The following RABGAP1L variants were observed in gnomAD, a reference collection of about 807,000 sequenced individuals.
RABGAP1L encodes the protein rab GTPase-activating protein 1-like.
In RABGAP1L, 63 loss-of-function variants were observed where a neutral mutation model predicts 137.7. The observed-to-expected ratio is 0.46, with a 90% CI of 0.37 to 0.56. The LOEUF (loss-of-function observed/expected upper bound fraction) is 0.56, where lower values mean the gene tolerates loss of function less well. Among genes scored for constraint, RABGAP1L ranks in the 20% least tolerant of loss-of-function variants. RABGAP1L has a pLI of 0.00. For missense variants in RABGAP1L, 1,095 were observed against 1,244.0 expected, an observed-to-expected ratio of 0.88 and a Z score of 1.80; for synonymous variants, 431 against 433.7, an observed-to-expected ratio of 0.99 and a Z score of 0.08.
At chr1:174,759,724 G>C (rs1017600913) in intron 18 of RABGAP1L, among the ~76,000 whole-genome samples, 1 of 152,204 alleles carries the variant, frequency 6.6e-6, no homozygotes. Context: ...AGAAAGCAAG[G>C]GGAGCTGTAT....
At chr1:174,686,648 CTTTTTTTTTTTT>C (rs533716511) in intron 15 of RABGAP1L, among the ~76,000 whole-genome samples, 17 of 105,770 alleles carry the variant, frequency 1.6e-4, no homozygotes, top group Admixed American at 3.3e-4. Context: ...ACAAAGCAAT[CTTTTTTTTTTTT>C]TTTTTTTTTT....
At chr1:174,812,315 C>T (rs1321872305) in intron 19 of RABGAP1L, among the ~76,000 whole-genome samples, 1 of 152,180 alleles carries the variant, frequency 6.6e-6, no homozygotes, top group African/African-American at 2.4e-5. Context: ...GAAAAGCTTG[C>T]TTAGGCAATG....
intron 15 of RABGAP1L, among the ~76,000 whole-genome samples, chr1:174,692,709 A>T (rs1312364972): frequency 6.6e-6 from 1 of 152,238 alleles, no homozygotes; most frequent in South Asian, 2.1e-4. Flanking sequence ...GTATCCTTGT[A>T]TAAAGCACTT....
chr1:174,606,878 G>C (rs1012009895), intron 13 of RABGAP1L, among the ~76,000 whole-genome samples: 2 of 152,116 alleles, frequency 1.3e-5, no homozygotes, highest in Non-Finnish European at 2.9e-5. Flanking sequence ...AACACAGCTA[G>C]CGTCTGAAGT....
chr1:174,560,846 T>C (rs1468564958), intron 13 of RABGAP1L, among the ~76,000 whole-genome samples: 1 of 152,226 alleles, frequency 6.6e-6, no homozygotes, highest in South Asian at 2.1e-4. Context: ...GTTAATTTGC[T>C]TAGGATAATG....
intron 13 of RABGAP1L, among the ~76,000 whole-genome samples, chr1:174,435,417 A>G (rs533659575): frequency 4.2e-4 from 64 of 152,186 alleles, no homozygotes; most frequent in African/African-American, 1.1e-3. Flanking sequence ...GTTTAGATCT[A>G]TGATCCATAT....
At chr1:174,426,440 T>C (rs1651970625) in intron 13 of RABGAP1L, among the ~76,000 whole-genome samples, 1 of 152,076 alleles carries the variant, frequency 6.6e-6, no homozygotes, top group Non-Finnish European at 1.5e-5. Flanking sequence ...TCCTAAAATT[T>C]TCCAAAACTT....
rs564652117 is a variant in RABGAP1L, at chr1:174,502,392, A to C, written c.1710+108247A>C. 5.1e-4 allele frequency among the ~76,000 whole-genome samples: 77 copies of C among 151,740 alleles called. No homozygotes were observed. The South Asian group carries it at 0.013, about 25-fold the overall frequency. On this transcript the variant is annotated intron_variant, in intron 13 of 25. Coordinates refer to ENST00000681986, the MANE Select transcript of RABGAP1L (RefSeq NM_001366446.1). ...GAACAAACCCCACTGAAGTCCACAG[A>C]GCTTCTGATCACATTTTTAGTTCTT...
At chr1:174,717,897 C>T (rs923711719) in intron 17 of RABGAP1L, among the ~76,000 whole-genome samples, 2 of 152,146 alleles carry the variant, frequency 1.3e-5, no homozygotes, top group African/African-American at 4.8e-5. Flanking sequence ...TCTTGAAGAA[C>T]ATATCAAGTA....
At chr1:174,699,421 G>C in intron 15 of RABGAP1L, 104 bp from the exon 16 acceptor site, 1 of 1,009,982 alleles carries the variant, frequency 9.9e-7, no homozygotes, top group Non-Finnish European at 1.4e-6. Context: ...TTTGCTCCAG[G>C]CCTTCAGCTA....
intron 17 of RABGAP1L, among the ~76,000 whole-genome samples, chr1:174,712,361 C>T (rs932469791): frequency 2.0e-5 from 3 of 152,224 alleles, no homozygotes; most frequent in African/African-American, 7.2e-5. Context: ...TGCAGCTTCA[C>T]TCCTGAAGCT....
At chr1:174,226,076 G>T (rs1012237787) in intron 3 of RABGAP1L, among the ~76,000 whole-genome samples, 14 of 152,100 alleles carry the variant, frequency 9.2e-5, no homozygotes, top group Non-Finnish European at 1.5e-4. Context: ...TCTCTAGTTT[G>T]CAGGGACTTC....
At chr1:174,618,205 C>T (rs1557908455) in intron 13 of RABGAP1L, among the ~76,000 whole-genome samples, 1 of 152,186 alleles carries the variant, frequency 6.6e-6, no homozygotes, top group Non-Finnish European at 1.5e-5. Flanking sequence ...CTGTAGACTC[C>T]ACCTCTGGGG....
chr1:174,564,604 T>G (rs886137105), intron 13 of RABGAP1L, among the ~76,000 whole-genome samples: 1 of 152,156 alleles, frequency 6.6e-6, no homozygotes, highest in Non-Finnish European at 1.5e-5. Context: ...TTCTGCTTCC[T>G]GTACTCTTTT....
At chr1:174,756,913 G>T in intron 18 of RABGAP1L, 1 of 721,112 alleles carries the variant, frequency 1.4e-6, no homozygotes, top group South Asian at 1.3e-5. Flanking sequence ...GCTTGGCATT[G>T]GCACCACCAG....
chr1:174,454,900 C>G (rs949619770), intron 13 of RABGAP1L, among the ~76,000 whole-genome samples: 2 of 152,102 alleles, frequency 1.3e-5, no homozygotes, highest in African/African-American at 4.8e-5. Flanking sequence ...CTGCATTTTT[C>G]ACACCTTTAA....
chr1:174,216,607 T>C (rs1246805775), intron 1 of RABGAP1L, among the ~76,000 whole-genome samples: 1 of 147,124 alleles, frequency 6.8e-6, no homozygotes, highest in African/African-American at 2.5e-5. Context: ...TTTGTCCATG[T>C]GGTATAATCA....
chr1:174,606,887 G>A (rs953888389), intron 13 of RABGAP1L, among the ~76,000 whole-genome samples: 1 of 152,148 alleles, frequency 6.6e-6, no homozygotes, highest in African/African-American at 2.4e-5. Context: ...AGCGTCTGAA[G>A]TAAAATGTGA....
chr1:174,437,826 C>T (rs561001497), intron 13 of RABGAP1L, among the ~76,000 whole-genome samples: 6 of 152,232 alleles, frequency 3.9e-5, no homozygotes, highest in South Asian at 4.2e-4. Context: ...AGAGAAAGGT[C>T]GGGTTACCCA....
Sources: gnomAD v4.1 joint callset for allele counts (sites outside exome capture counted in the v4.1 genomes callset) on GRCh38, gnomAD v4.1.1 for gene constraint, MANE v1.5 for transcripts, NCBI Gene and HGNC (gene_info 2026-07-23, HGNC 2026-07-21) for gene names.